The following TIMMDC1 variants were observed in gnomAD, a reference collection of about 807,000 sequenced individuals.
The protein encoded by TIMMDC1 is complex I assembly factor TIMMDC1, mitochondrial.
TIMMDC1 carries 25 observed loss-of-function variants against 32.6 expected under a neutral mutation model. The ratio of observed to expected loss-of-function variants is 0.77; its 90% CI spans 0.56 to 1.07. The LOEUF (loss-of-function observed/expected upper bound fraction) is 1.07. TIMMDC1 is among the 50% of genes least tolerant of loss of function. The probability of loss-of-function intolerance (pLI) is 0.00; values close to 1 mark genes in which losing one functional copy is unlikely to be tolerated. For synonymous variants in TIMMDC1, 130 were observed against 127.6 expected (o/e 1.02, Z -0.13); for missense variants, 329 against 349.2 (o/e 0.94, Z 0.46).
chr3:119,504,066 T>G, intron 4 of TIMMDC1, 45 bp downstream of exon 4: 1 of 1,446,386 alleles, frequency 6.9e-7, no homozygotes, highest in Non-Finnish European at 9.7e-7. Context: ...CAAATACAGT[T>G]TAGAAAATGT....
intron 2 of TIMMDC1, among the ~76,000 whole-genome samples, chr3:119,502,209 T>A (rs1448030128): frequency 6.6e-6 from 1 of 152,060 alleles, no homozygotes; most frequent in Non-Finnish European, 1.5e-5. Context: ...ATAATTTTTT[T>A]ATTTTTTTAA....
Position 119,523,646 on chromosome 3 carries a change from A to G in TIMMDC1, c.748A>G (p.Ile250Val), listed in dbSNP as rs749117051. 2.5e-6 allele frequency: 4 copies of G among 1,612,990 alleles called. No individual in the cohort carries two copies. Among genetic ancestry groups the G allele is most frequent in the Admixed American group, 1.7e-5 (1 of 59,786 alleles). The change falls in exon 7 of 7, where the codon ATT (isoleucine) becomes GTT (valine). Residue 250 changes from isoleucine to valine, a missense_variant. Transcript: ENST00000494664. The part of the protein sequence containing the change: ...LQVTEHLPEK[I>V]ESSLQEDEPE... ...AGTTACTGAGCACCTCCCTGAGAAA[A>G]TTGAAAGTAGTTTACAGGAAGATGA...
At chr3:119,501,862 C>G (rs921506454) in intron 2 of TIMMDC1, among the ~76,000 whole-genome samples, 4 of 152,018 alleles carry the variant, frequency 2.6e-5, no homozygotes, top group Non-Finnish European at 4.4e-5. Flanking sequence ...TAGAATGTCC[C>G]TCAATTTGGG....
intron 4 of TIMMDC1, among the ~76,000 whole-genome samples, chr3:119,506,531 A>T (rs998003201): frequency 6.6e-6 from 1 of 152,164 alleles, no homozygotes; most frequent in East Asian, 1.9e-4. Context: ...AAAAAAAAAA[A>T]AAACTAGAAA....
intron 4 of TIMMDC1, among the ~76,000 whole-genome samples, chr3:119,513,253 T>A (rs2081965901): frequency 6.6e-6 from 1 of 151,822 alleles, no homozygotes; most frequent in African/African-American, 2.4e-5. Context: ...ACAGAGAGAG[T>A]GAGTCTAGGG....
intron 5 of TIMMDC1, among the ~76,000 whole-genome samples, 186 bp downstream of exon 5, chr3:119,513,905 C>T (rs2081970093): frequency 6.6e-6 from 1 of 152,142 alleles, no homozygotes; most frequent in Non-Finnish European, 1.5e-5. Context: ...ATCTTATTTA[C>T]AGTTTTTATT....
In TIMMDC1 at chr3:119,499,826, T is replaced by C. The variant is rs535898038; in HGVS notation, c.195-869T>C. On this transcript the variant is annotated intron_variant, in intron 1 of 6. Transcript: ENST00000494664. Reference sequence around the variant, plus strand: ...TGGAAGCTTCATTAGCAGTTCTAGCTTCTTATGCATTTGAGAGTAACAAAT... The same window carrying C: ...TGGAAGCTTCATTAGCAGTTCTAGCCTCTTATGCATTTGAGAGTAACAAAT... Among the ~76,000 whole-genome samples, 24 of 152,372 alleles carry C rather than the reference T, an allele frequency of 1.6e-4. No homozygotes were observed. The East Asian group carries it at 2.7e-3, about 17-fold the overall frequency.
intron 4 of TIMMDC1, among the ~76,000 whole-genome samples, chr3:119,510,015 G>A (rs943252895): frequency 6.6e-6 from 1 of 151,904 alleles, no homozygotes; most frequent in African/African-American, 2.4e-5. Context: ...TTATTGAATT[G>A]TACATTTAGG....
At chr3:119,514,099 T>C (rs1346506747) in intron 5 of TIMMDC1, among the ~76,000 whole-genome samples, 2 of 151,364 alleles carry the variant, frequency 1.3e-5, no homozygotes, top group Non-Finnish European at 2.9e-5. Flanking sequence ...CAAAAAACAG[T>C]TAACAAGCAT....
At position 119,513,641 on chromosome 3, in the gene TIMMDC1, C is replaced by A. The variant is rs767347267; in HGVS notation, c.518C>A (p.Ala173Asp). The A allele has an allele frequency of 6.2e-7, 1 of 1,610,254 alleles. No individual in the cohort carries two copies. The highest frequency in any genetic ancestry group is 8.5e-7 in the Non-Finnish European group (1 of 1,176,772). Residue 173 changes from alanine to aspartate, a missense_variant and splice_region_variant, in exon 5 of 7, where the codon GCT (alanine) becomes GAT (aspartate). Coordinates refer to ENST00000494664, the MANE Select transcript of TIMMDC1 (RefSeq NM_016589.4). ...DALSHFVIAG[A>D]VTGSLFRINV... ...TATTGCCTTTCTTGTTTTTAAATAG[C>A]TGTCACGGGAAGTCTTTTTAGGATA...
chr3:119,502,961 G>A (rs938844938), intron 2 of TIMMDC1, among the ~76,000 whole-genome samples: 3 of 152,126 alleles, frequency 2.0e-5, no homozygotes, highest in Non-Finnish European at 2.9e-5. Context: ...TTATTGGTTA[G>A]TATTATGCTC....
In TIMMDC1 at chr3:119,507,639, T is replaced by C. The variant is rs550858914; in HGVS notation, c.517+3618T>C. 1.1e-4 allele frequency among the ~76,000 whole-genome samples: 17 copies of C among 152,344 alleles called. No homozygotes were observed. In the East Asian group the frequency reaches 3.3e-3, roughly 29 times the overall value. On this transcript the variant is annotated intron_variant, in intron 4 of 6. Coordinates refer to ENST00000494664, the MANE Select transcript of TIMMDC1 (RefSeq NM_016589.4). ...GTAAGTCCAGTATCCCCACCATATCTGAGTCTGGTTTTGGTGCTTACTCTC... is the reference window on the plus strand; with the variant it reads ...GTAAGTCCAGTATCCCCACCATATCCGAGTCTGGTTTTGGTGCTTACTCTC...
intron 4 of TIMMDC1, among the ~76,000 whole-genome samples, chr3:119,507,345 C>T (rs1163644008): frequency 6.6e-6 from 1 of 152,056 alleles, no homozygotes; most frequent in African/African-American, 2.4e-5. Context: ...AGGTTCCCAT[C>T]TTTTTTCTCT....
intron 4 of TIMMDC1, among the ~76,000 whole-genome samples, chr3:119,508,083 A>G (rs1000354956): frequency 2.0e-5 from 3 of 152,168 alleles, no homozygotes; most frequent in African/African-American, 7.2e-5. Context: ...CTTAGTGAGA[A>G]TAACGGAATG....
intron 1 of TIMMDC1, among the ~76,000 whole-genome samples, chr3:119,499,379 C>T (rs2081851574): frequency 6.7e-6 from 1 of 149,384 alleles, no homozygotes; most frequent in Non-Finnish European, 1.5e-5. Flanking sequence ...GGATTACAGG[C>T]GTGAGCCACC....
chr3:119,521,352 C>T (rs1462406361), intron 6 of TIMMDC1, among the ~76,000 whole-genome samples: 3 of 152,064 alleles, frequency 2.0e-5, no homozygotes, highest in Non-Finnish European at 4.4e-5. Context: ...GTCAGGAGTT[C>T]GAGACCAGCC....
At chr3:119,517,123 C>G (rs1424369936) in intron 5 of TIMMDC1, 82 bp from the exon 6 acceptor site, 2 of 803,392 alleles carry the variant, frequency 2.5e-6, no homozygotes, top group East Asian at 2.5e-5. Flanking sequence ...TCTGGTGTTG[C>G]TCACACCTTA....
Position 119,503,994 on chromosome 3 carries a change from G to A in TIMMDC1, c.490G>A (p.Ala164Thr), listed in dbSNP as rs2081899001. The change falls in exon 4 of 7, where the codon GCC becomes ACC. Residue 164 changes from alanine to threonine, a missense_variant. Coordinates refer to ENST00000494664, the MANE Select transcript of TIMMDC1 (RefSeq NM_016589.4). ...TSLNVYRNKD[A>T]LSHFVIAGAV... ...TCTGAATGTATACCGAAATAAAGAT[G>A]CCTTAAGCCATTTTGTAATTGCAGG... 2 of 1,613,466 alleles carry A rather than the reference G, an allele frequency of 1.2e-6. No homozygotes were observed. The highest frequency in any genetic ancestry group is 1.3e-5 in the African/African-American group (1 of 74,900).
chr3:119,499,934 A>T (rs12493328), intron 1 of TIMMDC1, among the ~76,000 whole-genome samples: 22,407 of 152,032 alleles, frequency 0.15, 2,072 homozygotes, highest in Non-Finnish European at 0.2. Context: ...GTGCGTTTTT[A>T]AAAAAACATT....
Sources: gnomAD v4.1 joint callset for allele counts (sites outside exome capture counted in the v4.1 genomes callset) on GRCh38, gnomAD v4.1.1 for gene constraint, MANE v1.5 for transcripts, NCBI Gene and HGNC (gene_info 2026-07-23, HGNC 2026-07-21) for gene names.